Variants in CCDC141 observed in about 807,000 individuals in gnomAD.
CCDC141 encodes the protein coiled-coil domain containing 141.
Under a neutral mutation model 181.0 loss-of-function variants are expected in CCDC141, and 168 were observed. The ratio of observed to expected loss-of-function variants is 0.93; its 90% CI spans 0.82 to 1.05. The LOEUF (loss-of-function observed/expected upper bound fraction) is 1.05. Ranked by LOEUF, CCDC141 falls within the 50% of genes least tolerant of loss-of-function variation. CCDC141 has a pLI of 0.00. For synonymous variants in CCDC141, 666 were observed against 642.3 expected (o/e 1.04, Z -0.56); for missense variants, 1,902 against 1,788.5 (o/e 1.06, Z -1.14).
At chr2:179,024,912 T>A (rs982287116) in intron 2 of CCDC141, among the ~76,000 whole-genome samples, 5 of 151,964 alleles carry the variant, frequency 3.3e-5, no homozygotes, top group East Asian at 1.9e-4. Context: ...AAAAACTTTT[T>A]AAAAAAAACA....
intron 2 of CCDC141, among the ~76,000 whole-genome samples, chr2:178,981,999 AG>A (rs34970087): frequency 2.6e-5 from 4 of 152,066 alleles, no homozygotes; most frequent in Non-Finnish European, 4.4e-5. Flanking sequence ...AAGGATAAAA[AG>A]GAATACTATA....
intron 6 of CCDC141, among the ~76,000 whole-genome samples, chr2:178,920,159 G>A (rs540475851): frequency 9.9e-5 from 15 of 152,224 alleles, no homozygotes; most frequent in South Asian, 2.1e-4. Context: ...TATAAGCTGC[G>A]GTTGAGTGAT....
intron 4 of CCDC141, among the ~76,000 whole-genome samples, 161 bp from the exon 5 acceptor site, chr2:178,961,644 T>C (rs1224820425): frequency 6.6e-6 from 1 of 152,234 alleles, no homozygotes; most frequent in Non-Finnish European, 1.5e-5. Context: ...CTGCCTACAG[T>C]ACTTCAGAGA....
intron 5 of CCDC141, among the ~76,000 whole-genome samples, chr2:178,950,388 C>T (rs781545639): frequency 1.3e-5 from 2 of 151,928 alleles, no homozygotes; most frequent in Non-Finnish European, 2.9e-5. Context: ...TTGTATTAGA[C>T]AATACAGTCA....
intron 22 of CCDC141, 121 bp from the exon 23 acceptor site, chr2:178,837,865 G>A (rs924222594): frequency 8.9e-7 from 1 of 1,124,010 alleles, no homozygotes; most frequent in Admixed American, 2.7e-5. Flanking sequence ...AAAATTTAGG[G>A]GGCTGGAGCA....
At chr2:178,871,993 C>T in intron 13 of CCDC141, 140 bp downstream of exon 13, 1 of 812,760 alleles carries the variant, frequency 1.2e-6, no homozygotes, top group Non-Finnish European at 1.9e-6. Context: ...ACTACAGGGA[C>T]CTCATTTATA....
chr2:178,842,318 G>T (rs1169340538), intron 22 of CCDC141, among the ~76,000 whole-genome samples: 2 of 152,120 alleles, frequency 1.3e-5, no homozygotes, highest in South Asian at 2.1e-4. Flanking sequence ...TGAATGGCCT[G>T]CAGTCTTATC....
chr2:178,962,930 G>T (rs189368730), intron 4 of CCDC141, among the ~76,000 whole-genome samples: 1 of 151,846 alleles, frequency 6.6e-6, no homozygotes, highest in African/African-American at 2.4e-5. Context: ...TATCTTTACC[G>T]TACTCATATT....
At chr2:178,971,567 C>A (rs1230624381) in intron 4 of CCDC141, among the ~76,000 whole-genome samples, 1 of 152,192 alleles carries the variant, frequency 6.6e-6, no homozygotes, top group South Asian at 2.1e-4. Context: ...AATCCCATTA[C>A]TGGGTATATA....
intron 2 of CCDC141, among the ~76,000 whole-genome samples, chr2:178,985,136 C>G (rs1180975963): frequency 1.3e-5 from 2 of 151,054 alleles, no homozygotes; most frequent in Non-Finnish European, 3.0e-5. Flanking sequence ...ACAGTGCAAT[C>G]GAACTAGAAC....
chr2:178,834,100 G>T lies in CCDC141; in HGVS notation c.*73C>A. ...ACTTGGTGGGAGATGCTTTGCAGGA[G>T]GTGCAGGAAGATAAACGGCGGCACT... On this transcript the variant is annotated 3_prime_UTR_variant, in exon 24 of 24. Coordinates refer to ENST00000443758, the MANE Select transcript of CCDC141 (RefSeq NM_173648.4). The T allele has an allele frequency of 7.0e-7, 1 of 1,420,884 alleles. No homozygotes were observed. Among genetic ancestry groups the T allele is most frequent in the Non-Finnish European group, 9.5e-7 (1 of 1,052,156 alleles). The allele number at this position is 1,420,884 out of a possible 1,614,324, so 88.0% of individuals were successfully genotyped here. A position where few individuals can be genotyped will look rare whatever the true frequency, so the allele number is the denominator to read the frequency against.
At chr2:178,962,138 C>T (rs1559010068) in intron 4 of CCDC141, among the ~76,000 whole-genome samples, 1 of 152,036 alleles carries the variant, frequency 6.6e-6, no homozygotes, top group Non-Finnish European at 1.5e-5. Context: ...TAGATATCTG[C>T]CAAATGGACT....
At chr2:179,013,717 C>T (rs925170135) in intron 2 of CCDC141, among the ~76,000 whole-genome samples, 1 of 152,078 alleles carries the variant, frequency 6.6e-6, no homozygotes, top group East Asian at 1.9e-4. Context: ...CCTATAATTC[C>T]AGCACTTTGG....
At chr2:178,976,530 C>G (rs1691131199) in intron 3 of CCDC141, among the ~76,000 whole-genome samples, 1 of 152,204 alleles carries the variant, frequency 6.6e-6, no homozygotes, top group Admixed American at 6.5e-5. Flanking sequence ...ATTAGAACAA[C>G]CTGATGGACA....
intron 16 of CCDC141, 84 bp downstream of exon 16, chr2:178,867,942 A>G (rs1362145554): frequency 1.8e-6 from 2 of 1,091,916 alleles, no homozygotes; most frequent in Non-Finnish European, 2.6e-6. Flanking sequence ...AACATATACT[A>G]AGCAATCTGC....
intron 6 of CCDC141, among the ~76,000 whole-genome samples, chr2:178,938,835 G>A (rs1689394697): frequency 6.6e-6 from 1 of 152,094 alleles, no homozygotes; most frequent in Admixed American, 6.6e-5. Context: ...TGACATAGCA[G>A]GGGTTTAAAC....
At chr2:178,998,054 C>T (rs1349820643) in intron 2 of CCDC141, among the ~76,000 whole-genome samples, 1 of 152,122 alleles carries the variant, frequency 6.6e-6, no homozygotes, top group Non-Finnish European at 1.5e-5. Context: ...AGAGAAATCT[C>T]ATTTTTGCAT....
At chr2:178,841,553 GT>G (rs1483876207) in intron 22 of CCDC141, among the ~76,000 whole-genome samples, 1 of 151,630 alleles carries the variant, frequency 6.6e-6, no homozygotes, top group African/African-American at 2.4e-5. Flanking sequence ...CATCTATTAT[GT>G]ATCATATAAA....
In CCDC141 at chr2:179,048,093, T is replaced by C. The variant is rs186381798; in HGVS notation, c.103-687A>G. ...GATTTACACTGCTCTAAGATATAAT[T>C]TGTCATTGCATTTCCTGAGGAATTG... On this transcript the variant is annotated intron_variant, in intron 1 of 23. Coordinates refer to ENST00000443758, the MANE Select transcript of CCDC141 (RefSeq NM_173648.4). Among the ~76,000 whole-genome samples, 226 of 152,318 alleles carry C rather than the reference T, an allele frequency of 1.5e-3. 1 individual carries two copies. Among genetic ancestry groups the C allele is most frequent in the Admixed American group, 5.4e-3 (83 of 15,288 alleles).
Sources: allele counts gnomAD v4.1 joint callset (sites outside exome capture counted in the v4.1 genomes callset), GRCh38; gene constraint gnomAD v4.1.1; transcripts MANE v1.5; gene names NCBI Gene and HGNC (gene_info 2026-07-23, HGNC 2026-07-21).